PXYLP1: variants seen among roughly 807,000 people sequenced by gnomAD.
PXYLP1 encodes the protein acid phosphatase-like 2.
In PXYLP1, 17 loss-of-function variants were observed where a neutral mutation model predicts 37.9. The observed-to-expected ratio is 0.45, with a 90% CI of 0.31 to 0.67. The LOEUF is 0.67. Ranked by LOEUF, PXYLP1 falls within the 30% of genes least tolerant of loss-of-function variation. The probability of loss-of-function intolerance (pLI) is 0.07; values close to 1 mark genes in which losing one functional copy is unlikely to be tolerated. For synonymous variants in PXYLP1, 221 were observed against 232.2 expected (o/e 0.95, Z 0.44); for missense variants, 511 against 612.0 (o/e 0.84, Z 1.74).
At chr3:141,257,362 A>G (rs961288828) in intron 1 of PXYLP1, among the ~76,000 whole-genome samples, 1 of 152,182 alleles carries the variant, frequency 6.6e-6, no homozygotes, top group African/African-American at 2.4e-5. Flanking sequence ...CCCAATGCAT[A>G]AGTACTTTTC....
At chr3:141,287,632 T>C (rs996915318) in intron 5 of PXYLP1, among the ~76,000 whole-genome samples, 179 bp downstream of exon 5, 4 of 152,156 alleles carry the variant, frequency 2.6e-5, no homozygotes, top group Admixed American at 6.5e-5. Flanking sequence ...CAAAACTAAA[T>C]AGAACCTTTC....
At chr3:141,235,684 AC>A (rs1223508282) in intron 1 of PXYLP1, 1 of 152,200 alleles carries the variant, frequency 6.6e-6, no homozygotes, top group Non-Finnish European at 1.5e-5. Context: ...CTCTTTTTGA[AC>A]CTGCTGTGCA....
At chr3:141,286,852 G>C (rs552098696) in intron 4 of PXYLP1, among the ~76,000 whole-genome samples, 17 of 152,358 alleles carry the variant, frequency 1.1e-4, no homozygotes, top group African/African-American at 3.1e-4. Flanking sequence ...CAGAACCTAG[G>C]TAGTAGCTGT....
At chr3:141,256,935 T>C (rs1941276861) in intron 1 of PXYLP1, among the ~76,000 whole-genome samples, 1 of 152,048 alleles carries the variant, frequency 6.6e-6, no homozygotes, top group Non-Finnish European at 1.5e-5. Flanking sequence ...AAGTCACAGA[T>C]TGGTAGAGAT....
intron 1 of PXYLP1, among the ~76,000 whole-genome samples, chr3:141,249,320 A>G (rs1405787527): frequency 6.6e-6 from 1 of 152,196 alleles, no homozygotes; most frequent in African/African-American, 2.4e-5. Flanking sequence ...TCTCAGTGGC[A>G]TGCGTGAGTG....
chr3:141,269,284 C>A (rs1029036218), intron 2 of PXYLP1, among the ~76,000 whole-genome samples: 1 of 152,222 alleles, frequency 6.6e-6, no homozygotes, highest in Non-Finnish European at 1.5e-5. Flanking sequence ...GAGTGACCAT[C>A]CGTCACCATT....
chr3:141,253,973 G>A (rs374497369), intron 1 of PXYLP1, among the ~76,000 whole-genome samples: 81 of 151,770 alleles, frequency 5.3e-4, no homozygotes, highest in African/African-American at 1.7e-3. Flanking sequence ...ACGCAGTGGC[G>A]CAATCTCAGC....
chr3:141,255,872 C>G (rs920534565), intron 1 of PXYLP1, among the ~76,000 whole-genome samples: 21 of 152,192 alleles, frequency 1.4e-4, no homozygotes, highest in Non-Finnish European at 1.5e-4. Context: ...GGTACCTCAT[C>G]CTCTTGGAGT....
At chr3:141,270,360 C>T (rs748570716) in intron 2 of PXYLP1, among the ~76,000 whole-genome samples, 1 of 152,240 alleles carries the variant, frequency 6.6e-6, no homozygotes, top group South Asian at 2.1e-4. Flanking sequence ...ACATGATTCC[C>T]ACTCCAGCCT....
intron 1 of PXYLP1, chr3:141,258,463 TTAACAAGA>T (rs1341804958): frequency 6.5e-6 from 1 of 154,296 alleles, no homozygotes; most frequent in Non-Finnish European, 1.4e-5. Context: ...CATTCCGCCA[TTAACAAGA>T]TGGTGACCTG....
At chr3:141,253,229 A>G (rs1202379136) in intron 1 of PXYLP1, among the ~76,000 whole-genome samples, 1 of 152,140 alleles carries the variant, frequency 6.6e-6, no homozygotes, top group African/African-American at 2.4e-5. Context: ...TCAGTGGGGA[A>G]GCTGGCCTGG....
chr3:141,239,090 C>T, intron 1 of PXYLP1, among the ~76,000 whole-genome samples: 1 of 151,546 alleles, frequency 6.6e-6, no homozygotes, highest in Admixed American at 6.6e-5. Context: ...AACCTTGCCC[C>T]ACACTTGTAA....
At position 141,287,334 on chromosome 3, in the gene PXYLP1, T is replaced by C. The variant is rs1487842128; in HGVS notation, c.386T>C (p.Leu129Pro). The C allele has an allele frequency of 6.2e-7, 1 of 1,614,202 alleles. No individual in the cohort carries two copies. The highest frequency in any genetic ancestry group is 2.2e-5 in the East Asian group (1 of 44,882). Residue 129 changes from leucine to proline, a missense_variant, in exon 5 of 6, where the codon CTG (leucine) becomes CCG (proline). Physicochemically the swap from Leu to Pro is moderately conservative, Grantham distance 98 (BLOSUM62 -3). Coordinates refer to ENST00000286353, the MANE Select transcript of PXYLP1 (RefSeq NM_001037172.3). ...TCTAGGAAACCGTATCACCCAAAACTGGAAGCTTTCATTAGTCACATGTCA... is the reference window on the plus strand; with the variant it reads ...TCTAGGAAACCGTATCACCCAAAACCGGAAGCTTTCATTAGTCACATGTCA... ...VANRKPYHPK[L>P]EAFISHMSKG...
chr3:141,279,580 A>G (rs1399557975), intron 4 of PXYLP1, 76 bp downstream of exon 4: 3 of 1,562,514 alleles, frequency 1.9e-6, no homozygotes, highest in Non-Finnish European at 2.6e-6. Flanking sequence ...CAGGACCTAC[A>G]CTTGGTGAAC....
At chr3:141,269,160 C>T (rs1315613914) in intron 2 of PXYLP1, among the ~76,000 whole-genome samples, 2 of 152,240 alleles carry the variant, frequency 1.3e-5, no homozygotes, top group South Asian at 4.1e-4. Context: ...GCAGACAACC[C>T]ACCCACCCTC....
chr3:141,283,236 C>G (rs1480769839), intron 4 of PXYLP1, among the ~76,000 whole-genome samples: 1 of 152,042 alleles, frequency 6.6e-6, no homozygotes, highest in African/African-American at 2.4e-5. Flanking sequence ...CCCACCTCAG[C>G]CTCCCAAAGT....
chr3:141,257,926 A>ACG (rs59677835), intron 1 of PXYLP1, among the ~76,000 whole-genome samples: 1 of 134,072 alleles, frequency 7.5e-6, no homozygotes, highest in East Asian at 2.1e-4. Flanking sequence ...AAAAAAAAAA[A>ACG]GAGAGAGAGA....
chr3:141,260,084 C>T (rs1463126155), intron 1 of PXYLP1, 39 bp from the exon 2 acceptor site: 4 of 1,479,356 alleles, frequency 2.7e-6, no homozygotes, highest in African/African-American at 1.4e-5. Flanking sequence ...TAGTTCTCCA[C>T]CTCTAAACAC....
intron 2 of PXYLP1, chr3:141,272,857 G>C (rs936706391): frequency 4.3e-5 from 23 of 529,466 alleles, no homozygotes; most frequent in South Asian, 8.0e-5. Context: ...GGGTGGGTCT[G>C]CCTTTCCCAG....
Sources: gnomAD v4.1 joint callset for allele counts (sites outside exome capture counted in the v4.1 genomes callset) on GRCh38, gnomAD v4.1.1 for gene constraint, MANE v1.5 for transcripts, NCBI Gene and HGNC (gene_info 2026-07-23, HGNC 2026-07-21) for gene names.